THSD4: variants seen among roughly 807,000 people sequenced by gnomAD.
THSD4 encodes thrombospondin type 1 domain containing 4.
THSD4 carries 69 observed loss-of-function variants against 119.0 expected under a neutral mutation model. The observed-to-expected ratio is 0.58, with a 90% CI of 0.48 to 0.71. The LOEUF (loss-of-function observed/expected upper bound fraction) is 0.71. THSD4 is among the 30% of genes least tolerant of loss of function. THSD4 has a pLI of 0.00. For synonymous variants in THSD4, 524 were observed against 540.4 expected (o/e 0.97, Z 0.42); for missense variants, 1,393 against 1,391.1 (o/e 1.00, Z -0.02).
At chr15:71,099,365 G>A (rs560003279) in intron 1 of THSD4, among the ~76,000 whole-genome samples, 1 of 152,284 alleles carries the variant, frequency 6.6e-6, no homozygotes, top group African/African-American at 2.4e-5. Flanking sequence ...ACTGAGGGGA[G>A]AGCTTTGATG....
At chr15:71,411,905 G>C in intron 7 of THSD4, 82 bp downstream of exon 7, 1 of 1,570,084 alleles carries the variant, frequency 6.4e-7, no homozygotes, top group Non-Finnish European at 8.7e-7. Flanking sequence ...GGAGAGACTA[G>C]GCTGCTAGCT....
intron 7 of THSD4, among the ~76,000 whole-genome samples, chr15:71,587,955 C>G (rs1595907743): frequency 6.6e-6 from 1 of 152,074 alleles, no homozygotes; most frequent in African/African-American, 2.4e-5. Context: ...GATCCTCTAC[C>G]TCTAAAACCA....
chr15:71,427,639 G>A (rs1352720390), intron 7 of THSD4, among the ~76,000 whole-genome samples: 2 of 149,006 alleles, frequency 1.3e-5, no homozygotes, highest in African/African-American at 5.0e-5. Flanking sequence ...AGAAGTTGAG[G>A]TGACCATTTT....
chr15:71,486,729 T>G (rs1265749997), intron 7 of THSD4, among the ~76,000 whole-genome samples: 1 of 151,672 alleles, frequency 6.6e-6, no homozygotes, highest in African/African-American at 2.4e-5. Context: ...CTCCCGGGTG[T>G]GAATTTCTTT....
At chr15:71,405,413 G>A (rs2046592279) in intron 6 of THSD4, among the ~76,000 whole-genome samples, 1 of 152,194 alleles carries the variant, frequency 6.6e-6, no homozygotes, top group East Asian at 1.9e-4. Context: ...TGGTAGATAT[G>A]CAAAGTTATC....
At chr15:71,260,673 C>T (rs1412905144) in intron 6 of THSD4, among the ~76,000 whole-genome samples, 2 of 152,114 alleles carry the variant, frequency 1.3e-5, no homozygotes. Context: ...CATCTTTCTC[C>T]ATCTCTAGGT....
chr15:71,126,522 A>G (rs1330896931), intron 1 of THSD4, among the ~76,000 whole-genome samples: 1 of 152,238 alleles, frequency 6.6e-6, no homozygotes, highest in African/African-American at 2.4e-5. Context: ...ACCTCATACC[A>G]TAATACCTAA....
In THSD4 at chr15:71,115,534, C is replaced by G. The variant is rs1156892271; in HGVS notation, c.-244C>G. ...CGCTGGCCGCCCGCGCAGCCCGACG[C>G]GGAATCGGGGCACAGCGGGAGCCCG... is the stretch of plus-strand genomic sequence containing the variant. On this transcript the variant is annotated 5_prime_UTR_variant, in exon 1 of 18. Transcript: ENST00000261862. The surrounding 1 kb of genome is among the most constrained non-coding windows in gnomAD (Gnocchi z 4.4). 6.6e-6 allele frequency: 1 copy of G among 151,366 alleles called. No individual in the cohort carries two copies. Among genetic ancestry groups the G allele is most frequent in the Admixed American group, 6.6e-5 (1 of 15,194 alleles). 9.4% of individuals were successfully genotyped at this position (151,366 alleles called of 1,614,324 possible). A position where few individuals can be genotyped will look rare whatever the true frequency, so the allele number is the denominator to read the frequency against.
At chr15:71,554,073 C>T (rs1277555766) in intron 7 of THSD4, among the ~76,000 whole-genome samples, 3 of 141,702 alleles carry the variant, frequency 2.1e-5, no homozygotes, top group Non-Finnish European at 3.1e-5. Context: ...TTTGTTTTTT[C>T]GTTTGTTTTT....
chr15:71,333,341 C>G (rs2045451276), intron 6 of THSD4, among the ~76,000 whole-genome samples: 1 of 152,100 alleles, frequency 6.6e-6, no homozygotes, highest in South Asian at 2.1e-4. Context: ...CTAAAGCCCC[C>G]TTGTTACTGT....
chr15:71,440,487 C>T (rs894860197), intron 7 of THSD4, among the ~76,000 whole-genome samples: 1 of 152,140 alleles, frequency 6.6e-6, no homozygotes, highest in Non-Finnish European at 1.5e-5. Flanking sequence ...AAGATAAACT[C>T]TTTCTATTTT....
chr15:71,289,317 CCT>C (rs367544824), intron 6 of THSD4, among the ~76,000 whole-genome samples: 1 of 152,234 alleles, frequency 6.6e-6, no homozygotes, highest in East Asian at 1.9e-4. Flanking sequence ...TTTGCTTACC[CCT>C]CTCTGAACGG....
chr15:71,395,907 G>T, intron 6 of THSD4, among the ~76,000 whole-genome samples: 1 of 109,176 alleles, frequency 9.2e-6, no homozygotes, highest in African/African-American at 3.6e-5. Context: ...TCAGTGTTTT[G>T]AAGAGAGACA....
Position 71,169,360 on chromosome 15 carries a change from C to T in THSD4, c.99+14428C>T, listed in dbSNP as rs117452909. On this transcript the variant is annotated intron_variant, in intron 3 of 17. Coordinates refer to ENST00000261862, the MANE Select transcript of THSD4 (RefSeq NM_024817.3). The stretch of plus-strand genomic sequence containing the variant: ...TTAAATGGTAAACCACTTTGAAAAA[C>T]TGTCAGTGTATCTTAAAGCTAAACA... 1.2e-4 allele frequency among the ~76,000 whole-genome samples: 19 copies of T among 152,332 alleles called. No homozygotes were observed. In the East Asian group the frequency reaches 3.7e-3, roughly 29 times the overall value.
At chr15:71,497,613 A>G (rs543208582) in intron 7 of THSD4, among the ~76,000 whole-genome samples, 1 of 152,042 alleles carries the variant, frequency 6.6e-6, no homozygotes, top group Non-Finnish European at 1.5e-5. Flanking sequence ...TGTAGTGCCT[A>G]CTTCTTTGTT....
rs67769537 is a variant in THSD4, at chr15:71,532,281, AGAGT to A, written c.1152+120460_1152+120463del. ...CAAAGGGTGAGAGAGAGAGAGAGAG[AGAGT>A]GTGTGTGTGTGTGTGTGTGTGTGTG... On this transcript the variant is annotated intron_variant, in intron 7 of 17. Coordinates refer to ENST00000261862, the MANE Select transcript of THSD4 (RefSeq NM_024817.3). Among the ~76,000 whole-genome samples, 842 of 113,084 alleles carry A rather than the reference AGAGT, an allele frequency of 7.4e-3. 8 individuals are homozygous for A. The highest frequency in any genetic ancestry group is 0.025 in the African/African-American group (706 of 28,524). 74.2% of individuals were successfully genotyped at this position (113,084 alleles called of 152,430 possible). A position where few individuals can be genotyped will look rare whatever the true frequency, so the allele number is the denominator to read the frequency against.
intron 7 of THSD4, among the ~76,000 whole-genome samples, chr15:71,522,698 A>G (rs960714436): frequency 3.9e-5 from 6 of 152,214 alleles, no homozygotes; most frequent in African/African-American, 1.4e-4. Flanking sequence ...GCCAACCCAG[A>G]ATCTTCCTTG....
At chr15:71,415,309 G>A (rs1305251629) in intron 7 of THSD4, among the ~76,000 whole-genome samples, 1 of 152,224 alleles carries the variant, frequency 6.6e-6, no homozygotes, top group Non-Finnish European at 1.5e-5. Context: ...CCCATTGCTG[G>A]CTTGAATGCT....
chr15:71,206,186 A>AT (rs2043842283), intron 3 of THSD4, among the ~76,000 whole-genome samples: 1 of 152,062 alleles, frequency 6.6e-6, no homozygotes, highest in Non-Finnish European at 1.5e-5. Flanking sequence ...TAATTTTTGT[A>AT]TTTTTAGCAG....
Sources: allele counts gnomAD v4.1 joint callset (sites outside exome capture counted in the v4.1 genomes callset), GRCh38; gene constraint gnomAD v4.1.1; non-coding constraint Gnocchi (gnomAD v3.1); transcripts MANE v1.5; gene names NCBI Gene and HGNC (gene_info 2026-07-23, HGNC 2026-07-21).